Variants in NCK2 observed in about 807,000 individuals in gnomAD.
NCK2 encodes the protein NCK adaptor protein 2.
Under a neutral mutation model 33.9 loss-of-function variants are expected in NCK2, and 16 were observed. That is an observed-to-expected ratio of 0.47 (90% CI 0.32 to 0.72). The LOEUF (loss-of-function observed/expected upper bound fraction) is 0.72. Among genes scored for constraint, NCK2 ranks in the 30% least tolerant of loss-of-function variants. NCK2 has a pLI of 0.03. For missense variants in NCK2, 418 were observed against 537.3 expected, an observed-to-expected ratio of 0.78 and a Z score of 2.19; for synonymous variants, 273 against 239.9, an observed-to-expected ratio of 1.14 and a Z score of -1.27.
intron 1 of NCK2, among the ~76,000 whole-genome samples, chr2:105,753,702 T>C (rs186799191): frequency 7.2e-4 from 110 of 152,346 alleles, no homozygotes; most frequent in Middle Eastern, 6.8e-3. Context: ...CAAGGCCATT[T>C]TTGCTGCTTC....
chr2:105,840,908 C>T (rs532737338), intron 2 of NCK2, among the ~76,000 whole-genome samples: 23 of 151,262 alleles, frequency 1.5e-4, no homozygotes, highest in African/African-American at 5.2e-4. Context: ...GGTAAAAGGC[C>T]GTGGGCATCT....
chr2:105,857,384 G>A (rs989737369), intron 3 of NCK2, among the ~76,000 whole-genome samples: 1 of 152,246 alleles, frequency 6.6e-6, no homozygotes, highest in Non-Finnish European at 1.5e-5. Context: ...GGAGCGCAGC[G>A]TCGGTTCGAG....
chr2:105,884,862 A>T (rs192159118), intron 4 of NCK2, among the ~76,000 whole-genome samples: 83 of 152,228 alleles, frequency 5.5e-4, no homozygotes, highest in Non-Finnish European at 9.9e-4. Flanking sequence ...GCTAAAGGTG[A>T]TGCATTGTTG....
At chr2:105,881,240 A>C in intron 3 of NCK2, 88 bp from the exon 4 acceptor site, 4 of 1,494,468 alleles carry the variant, frequency 2.7e-6, no homozygotes, top group South Asian at 2.7e-5. Context: ...TTTAACCGCC[A>C]GAGAAACTGC....
intron 1 of NCK2, among the ~76,000 whole-genome samples, chr2:105,796,594 G>GCT (rs1691089778): frequency 6.6e-6 from 1 of 152,190 alleles, no homozygotes; most frequent in Non-Finnish European, 1.5e-5. Flanking sequence ...GAGCCTGGGA[G>GCT]CTGGAAGGCT....
intron 4 of NCK2, among the ~76,000 whole-genome samples, chr2:105,883,374 T>TA (rs1370050155): frequency 6.6e-6 from 1 of 152,186 alleles, no homozygotes; most frequent in Non-Finnish European, 1.5e-5. Context: ...GAAAACCAAT[T>TA]ACAATATTAA....
chr2:105,885,908 TTTTG>T (rs778184225), intron 4 of NCK2, among the ~76,000 whole-genome samples: 48 of 152,228 alleles, frequency 3.2e-4, no homozygotes, highest in African/African-American at 8.7e-4. Flanking sequence ...TTTTTTGTGT[TTTTG>T]TTTGTTTGTT....
chr2:105,829,561 C>G (rs1472346771), intron 2 of NCK2, among the ~76,000 whole-genome samples: 2 of 152,124 alleles, frequency 1.3e-5, no homozygotes, highest in Non-Finnish European at 2.9e-5. Context: ...TCAGACTTTC[C>G]TTGTTTTGTT....
intron 1 of NCK2, among the ~76,000 whole-genome samples, chr2:105,786,232 ACT>A (rs1690677189): frequency 1.3e-5 from 2 of 152,224 alleles, no homozygotes; most frequent in Non-Finnish European, 2.9e-5. Flanking sequence ...TGTACAAATG[ACT>A]CTGATAACAA....
At chr2:105,809,708 A>G (rs1328838377) in intron 1 of NCK2, among the ~76,000 whole-genome samples, 1 of 152,222 alleles carries the variant, frequency 6.6e-6, no homozygotes, top group Non-Finnish European at 1.5e-5. Context: ...TCAGTACTAT[A>G]TAAGCACTTA....
chr2:105,841,187 C>T (rs2104550369), intron 2 of NCK2, among the ~76,000 whole-genome samples: 1 of 150,330 alleles, frequency 6.7e-6, no homozygotes, highest in Middle Eastern at 3.4e-3. Flanking sequence ...TAACCAAAGT[C>T]TCACAGGCAT....
intron 1 of NCK2, among the ~76,000 whole-genome samples, chr2:105,789,113 G>C (rs1400036855): frequency 6.6e-6 from 1 of 152,156 alleles, no homozygotes; most frequent in Non-Finnish European, 1.5e-5. Flanking sequence ...TCAGCTGAGG[G>C]CCTGGGACCC....
chr2:105,774,326 C>T (rs928420292), intron 1 of NCK2, among the ~76,000 whole-genome samples: 46 of 152,200 alleles, frequency 3.0e-4, no homozygotes, highest in African/African-American at 1.0e-3. Context: ...ATCTTAGTAA[C>T]AGATGTTTTA....
At chr2:105,813,955 C>G (rs180955218) in intron 1 of NCK2, among the ~76,000 whole-genome samples, 1 of 152,340 alleles carries the variant, frequency 6.6e-6, no homozygotes, top group East Asian at 1.9e-4. Context: ...AAAGCACACA[C>G]TCCTTCTGTA....
chr2:105,886,851 T>C (rs914600088), intron 4 of NCK2, among the ~76,000 whole-genome samples: 5 of 152,222 alleles, frequency 3.3e-5, no homozygotes, highest in Admixed American at 1.3e-4. Flanking sequence ...ATTAGGTAGA[T>C]GGGACTTGGA....
At chr2:105,779,002 T>C (rs1573581774) in intron 1 of NCK2, among the ~76,000 whole-genome samples, 2 of 152,254 alleles carry the variant, frequency 1.3e-5, no homozygotes, top group South Asian at 4.1e-4. Flanking sequence ...TTGAGAATAA[T>C]TTTCATTAAT....
At chr2:105,833,293 C>A (rs904726752) in intron 2 of NCK2, among the ~76,000 whole-genome samples, 3 of 152,074 alleles carry the variant, frequency 2.0e-5, no homozygotes, top group African/African-American at 7.2e-5. Context: ...GATGAGCTTT[C>A]ACCTTGTTGG....
chr2:105,776,136 G>A (rs951223441), intron 1 of NCK2, among the ~76,000 whole-genome samples: 1 of 152,212 alleles, frequency 6.6e-6, no homozygotes, highest in African/African-American at 2.4e-5. Flanking sequence ...GCCTGGCTGG[G>A]GACCTCCCCT....
At chr2:105,801,037 A>G (rs1674814790) in intron 1 of NCK2, among the ~76,000 whole-genome samples, 1 of 152,210 alleles carries the variant, frequency 6.6e-6, no homozygotes, top group African/African-American at 2.4e-5. Flanking sequence ...GGGAAGAGAT[A>G]CTTAAACAGG....
Sources: gnomAD v4.1 joint callset for allele counts (sites outside exome capture counted in the v4.1 genomes callset) on GRCh38, gnomAD v4.1.1 for gene constraint, MANE v1.5 for transcripts, NCBI Gene and HGNC (gene_info 2026-07-23, HGNC 2026-07-21) for gene names.